Variants in NR3C1 observed in about 807,000 individuals in gnomAD.
NR3C1 encodes the protein nuclear receptor subfamily 3 group C member 1.
A neutral mutation model predicts 74.0 loss-of-function variants in NR3C1; 14 were observed. The observed-to-expected ratio is 0.19, with a 90% CI of 0.12 to 0.30. The LOEUF (loss-of-function observed/expected upper bound fraction) is 0.30, where lower values mean the gene tolerates loss of function less well. NR3C1 is among the 10% of genes least tolerant of loss of function. NR3C1 has a pLI of 1.00. For missense variants in NR3C1, 695 were observed against 909.8 expected, an observed-to-expected ratio of 0.76 and a Z score of 3.04; for synonymous variants, 308 against 332.5, an observed-to-expected ratio of 0.93 and a Z score of 0.80.
intron 2 of NR3C1, chr5:143,390,057 A>C: frequency 3.8e-6 from 1 of 263,250 alleles, no homozygotes; most frequent in Non-Finnish European, 5.9e-6. Context: ...CGGCACTAAC[A>C]GAATAGTTAC....
chr5:143,368,190 C>T (rs1833601404), intron 2 of NR3C1, among the ~76,000 whole-genome samples: 1 of 152,058 alleles, frequency 6.6e-6, no homozygotes, highest in South Asian at 2.1e-4. Context: ...TATCATTACA[C>T]AAAAGAATAA....
chr5:143,352,560 C>T (rs942331995), intron 2 of NR3C1, among the ~76,000 whole-genome samples: 5 of 152,016 alleles, frequency 3.3e-5, no homozygotes, highest in Admixed American at 3.3e-4. Flanking sequence ...ACAGGCATAC[C>T]TCTGAGATAT....
intron 2 of NR3C1, among the ~76,000 whole-genome samples, chr5:143,374,408 G>A (rs1257846045): frequency 3.3e-5 from 5 of 151,752 alleles, no homozygotes; most frequent in African/African-American, 9.7e-5. Context: ...GGAGAATGGC[G>A]TGAACCAGGG....
chr5:143,297,765 A>G (rs1817617685), intron 6 of NR3C1, among the ~76,000 whole-genome samples: 1 of 152,210 alleles, frequency 6.6e-6, no homozygotes, highest in Non-Finnish European at 1.5e-5. Flanking sequence ...GAGAGTAACT[A>G]GGATGTGACT....
chr5:143,403,675 G>A lies in NR3C1; in HGVS notation c.-478C>T. On this transcript the variant is annotated 5_prime_UTR_variant, in exon 1 of 9. Coordinates refer to ENST00000394464, the MANE Select transcript of NR3C1 (RefSeq NM_000176.3). Reference sequence around the variant, plus strand: ...AGCGAGCGGGACCGAGCGGGGAGCGGGTGGAGGCGGCGCCACGGCGCGCAC... The same window carrying A: ...AGCGAGCGGGACCGAGCGGGGAGCGAGTGGAGGCGGCGCCACGGCGCGCAC... 1.0e-6 allele frequency: 1 copy of A among 985,520 alleles called. No homozygotes were observed. The highest frequency in any genetic ancestry group is 1.2e-6 in the Non-Finnish European group (1 of 830,040). The allele number at this position is 985,520 out of a possible 1,614,324, so 61.0% of individuals were successfully genotyped here.
rs2151468444 is a variant in NR3C1, at chr5:143,280,640, GACATACAGTTCTAAATCACAA to G, written c.*1228_*1248del. 1.3e-5 allele frequency: 2 copies of G among 152,666 alleles called. 1 individual carries two copies. Among genetic ancestry groups the G allele is most frequent in the South Asian group, 4.1e-4 (2 of 4,822 alleles). 9.5% of individuals were successfully genotyped at this position (152,666 alleles called of 1,614,324 possible). A position where few individuals can be genotyped will look rare whatever the true frequency, so the allele number is the denominator to read the frequency against. On this transcript the variant is annotated 3_prime_UTR_variant, in exon 9 of 9. Coordinates refer to ENST00000394464, the MANE Select transcript of NR3C1 (RefSeq NM_000176.3). The stretch of plus-strand genomic sequence containing the variant: ...TGTAGTTTTACAAACATGGATGTCT[GACATACAGTTCTAAATCACAA>G]AAATCAGTAGCTGAGCTTTCCTGTA...
At chr5:143,298,278 C>G (rs1006941600) in intron 6 of NR3C1, among the ~76,000 whole-genome samples, 1 of 152,192 alleles carries the variant, frequency 6.6e-6, no homozygotes, top group Non-Finnish European at 1.5e-5. Flanking sequence ...ATATGTCCCA[C>G]CCCATCAGCC....
intron 2 of NR3C1, among the ~76,000 whole-genome samples, chr5:143,393,117 G>A (rs1197279093): frequency 6.6e-6 from 1 of 152,074 alleles, no homozygotes; most frequent in Admixed American, 6.5e-5. Flanking sequence ...GAGAACCCAA[G>A]AGCCCCACCT....
chr5:143,278,604 A>C lies in NR3C1; in HGVS notation c.*3285T>G, dbSNP rs1311892747. 6.6e-6 allele frequency: 1 copy of C among 152,086 alleles called. No homozygotes were observed. The highest frequency in any genetic ancestry group is 1.9e-4 in the East Asian group (1 of 5,190). 9.4% of individuals were successfully genotyped at this position (152,086 alleles called of 1,614,324 possible). ...GACACACACACACAAAAACACATTC[A>C]CCTACAGCTACAGTCAGGGAGTGAC... On this transcript the variant is annotated 3_prime_UTR_variant, in exon 9 of 9. Coordinates refer to ENST00000394464, the MANE Select transcript of NR3C1 (RefSeq NM_000176.3).
intron 1 of NR3C1, among the ~76,000 whole-genome samples, chr5:143,424,234 TAAAA>T (rs894819924): frequency 6.6e-5 from 4 of 60,598 alleles, no homozygotes; most frequent in African/African-American, 4.0e-4. Context: ...AAATAAAAAA[TAAAA>T]AAGAGGGGTG....
chr5:143,435,119 T>C, exon 1 of NR3C1: 7 of 985,444 alleles, frequency 7.1e-6, no homozygotes, highest in Non-Finnish European at 8.4e-6. Context: ...TCAACAAGGA[T>C]TTGAAAACTA....
intron 2 of NR3C1, among the ~76,000 whole-genome samples, chr5:143,390,792 A>C (rs1160666394): frequency 6.6e-6 from 1 of 152,206 alleles, no homozygotes; most frequent in Non-Finnish European, 1.5e-5. Context: ...AAGAAAATAA[A>C]TGTTATCATT....
intron 2 of NR3C1, among the ~76,000 whole-genome samples, chr5:143,320,993 G>C (rs975799535): frequency 6.6e-6 from 1 of 152,182 alleles, no homozygotes; most frequent in Non-Finnish European, 1.5e-5. Flanking sequence ...CCAAGAACCA[G>C]TATGGTAAGA....
intron 2 of NR3C1, among the ~76,000 whole-genome samples, chr5:143,355,320 G>T (rs985517238): frequency 1.3e-5 from 2 of 152,042 alleles, no homozygotes; most frequent in African/African-American, 4.8e-5. Flanking sequence ...AGGAAATCTG[G>T]TATACAGCCT....
chr5:143,359,144 C>T (rs1831761498), intron 2 of NR3C1, among the ~76,000 whole-genome samples: 1 of 152,154 alleles, frequency 6.6e-6, no homozygotes, highest in Non-Finnish European at 1.5e-5. Flanking sequence ...AAAGCCACTA[C>T]CCTAAAACCT....
intron 1 of NR3C1, among the ~76,000 whole-genome samples, chr5:143,410,754 A>C (rs953769169): frequency 6.6e-6 from 1 of 152,204 alleles, no homozygotes; most frequent in African/African-American, 2.4e-5. Flanking sequence ...AGCTTATGGA[A>C]TTTTTGCACT....
At chr5:143,425,500 A>G (rs1410111317) in intron 1 of NR3C1, among the ~76,000 whole-genome samples, 1 of 152,218 alleles carries the variant, frequency 6.6e-6, no homozygotes, top group Non-Finnish European at 1.5e-5. Flanking sequence ...GTCTAGATCT[A>G]GAATATATAA....
At chr5:143,399,055 G>C (rs1209965096) in intron 2 of NR3C1, among the ~76,000 whole-genome samples, 1 of 152,188 alleles carries the variant, frequency 6.6e-6, no homozygotes, top group African/African-American at 2.4e-5. Context: ...AACCCTGTGA[G>C]CAAGACCTGT....
At chr5:143,407,232 G>A (rs549918847), upstream of NR3C1, 4 of 152,086 alleles carry the variant, frequency 2.6e-5, no homozygotes, top group Non-Finnish European at 5.9e-5. Context: ...TACATTACAG[G>A]GTTATAATAA....
Sources: gnomAD v4.1 joint callset for allele counts (sites outside exome capture counted in the v4.1 genomes callset) on GRCh38, gnomAD v4.1.1 for gene constraint, MANE v1.5 for transcripts, NCBI Gene and HGNC (gene_info 2026-07-23, HGNC 2026-07-21) for gene names.